PHF24: variants seen among roughly 807,000 people sequenced by gnomAD.
PHF24 encodes the protein Galpha inhibitory interacting protein.
PHF24 carries 25 observed loss-of-function variants against 42.6 expected under a neutral mutation model. The ratio of observed to expected loss-of-function variants is 0.59; its 90% CI spans 0.43 to 0.82. The LOEUF (loss-of-function observed/expected upper bound fraction) is 0.82, where lower values mean the gene tolerates loss of function less well. PHF24 is among the 40% of genes least tolerant of loss of function. PHF24 has a pLI of 0.00. For missense variants in PHF24, 470 were observed against 538.1 expected (o/e 0.87, Z 1.25); for synonymous variants, 185 against 204.8 (o/e 0.90, Z 0.83).
At chr9:34,823,524 G>A in the PHF24 span, among the ~76,000 whole-genome samples, 7 of 152,216 alleles carry the variant, frequency 4.6e-5, no homozygotes, top group South Asian at 2.1e-4. Context: ...TAGACTCTAA[G>A]CCCCTACCTG....
chr9:34,716,952 C>T, the PHF24 span, among the ~76,000 whole-genome samples: 1 of 152,126 alleles, frequency 6.6e-6, no homozygotes, highest in Non-Finnish European at 1.5e-5. Context: ...ACTTACGCTT[C>T]TGCATAACGT....
At chr9:34,677,633 C>G in the PHF24 span, among the ~76,000 whole-genome samples, 1 of 152,096 alleles carries the variant, frequency 6.6e-6, no homozygotes, top group South Asian at 2.1e-4. Context: ...CTCCTGACCT[C>G]GTGATCCACC....
the PHF24 span, among the ~76,000 whole-genome samples, chr9:34,868,865 T>C: frequency 1.3e-5 from 2 of 152,248 alleles, no homozygotes; most frequent in Admixed American, 1.3e-4. Context: ...ACCTAGTCAT[T>C]AAGCCCAGCA....
chr9:34,958,227 C>CGCT (rs1190859096), upstream of PHF24: 1 of 67,458 alleles, frequency 1.5e-5, no homozygotes, highest in Non-Finnish European at 3.0e-5. The surrounding 1 kb of genome is among the most constrained non-coding windows in gnomAD (Gnocchi z 4.5). Flanking sequence ...CGGCCGCGCG[C>CGCT]GCCGCCGCCG....
At chr9:34,827,746 G>A in the PHF24 span, among the ~76,000 whole-genome samples, 2 of 152,086 alleles carry the variant, frequency 1.3e-5, no homozygotes, top group African/African-American at 4.8e-5. Flanking sequence ...GTCCAAAATC[G>A]ATGTCCCTCC....
chr9:34,917,673 G>T, the PHF24 span: 3 of 781,534 alleles, frequency 3.8e-6, no homozygotes, highest in Non-Finnish European at 4.8e-6. Flanking sequence ...TGCAGTGTGG[G>T]AGCAGACAGA....
chr9:34,743,985 T>C, the PHF24 span, among the ~76,000 whole-genome samples: 1 of 152,144 alleles, frequency 6.6e-6, no homozygotes. Context: ...CAACTTACTC[T>C]CATGGTAACT....
the PHF24 span, among the ~76,000 whole-genome samples, chr9:34,848,433 G>A: frequency 6.6e-6 from 1 of 151,796 alleles, no homozygotes; most frequent in African/African-American, 2.4e-5. Flanking sequence ...ATTTCTGTGG[G>A]ATTGGTGGTG....
At chr9:34,873,526 A>G in the PHF24 span, among the ~76,000 whole-genome samples, 2 of 151,690 alleles carry the variant, frequency 1.3e-5, no homozygotes, top group Non-Finnish European at 1.5e-5. Context: ...GATATGCGGC[A>G]TTATTTCTGA....
chr9:34,803,437 G>A, the PHF24 span, among the ~76,000 whole-genome samples: 75 of 151,456 alleles, frequency 5.0e-4, no homozygotes, highest in Non-Finnish European at 4.6e-4. Flanking sequence ...CATCCTGGAC[G>A]CAGCACATTC....
chr9:34,753,701 A>T, the PHF24 span, among the ~76,000 whole-genome samples: 1 of 152,182 alleles, frequency 6.6e-6, no homozygotes, highest in African/African-American at 2.4e-5. Context: ...TGAGCAAAAG[A>T]ACAAAACTAG....
At chr9:34,833,106 C>A in the PHF24 span, 1 of 1,551,530 alleles carries the variant, frequency 6.4e-7, no homozygotes, top group Non-Finnish European at 8.7e-7. Context: ...CGCCCAAACC[C>A]CGCATCCCCT....
the PHF24 span, chr9:34,918,252 C>A: frequency 6.7e-7 from 1 of 1,485,490 alleles, no homozygotes. Context: ...CCGCACGTGT[C>A]TTCTCAATGA....
At chr9:34,908,920 T>C in the PHF24 span, among the ~76,000 whole-genome samples, 1 of 150,904 alleles carries the variant, frequency 6.6e-6, no homozygotes, top group Non-Finnish European at 1.5e-5. Flanking sequence ...CGATCTTGGC[T>C]CACTCCAACC....
chr9:34,963,032 A>G (rs57602398), intron 1 of PHF24, among the ~76,000 whole-genome samples: 5,623 of 152,264 alleles, frequency 0.037, 241 homozygotes, highest in East Asian at 0.24. Context: ...CTGAATGAAG[A>G]GAGGTGGGGA....
chr9:34,763,196 C>G, the PHF24 span, among the ~76,000 whole-genome samples: 2 of 152,086 alleles, frequency 1.3e-5, no homozygotes, highest in Admixed American at 1.3e-4. Context: ...TTTTTGGTTC[C>G]ATATGAACTT....
the PHF24 span, among the ~76,000 whole-genome samples, chr9:34,827,897 C>T: frequency 6.6e-6 from 1 of 152,166 alleles, no homozygotes; most frequent in Non-Finnish European, 1.5e-5. Flanking sequence ...CATGCTGTTG[C>T]TCAGGTTCCA....
the PHF24 span, among the ~76,000 whole-genome samples, chr9:34,829,164 T>A: frequency 6.6e-6 from 1 of 152,078 alleles, no homozygotes; most frequent in Non-Finnish European, 1.5e-5. Flanking sequence ...ATGTGGACTG[T>A]TAGGAAAAAA....
At chr9:34,840,037 G>A in the PHF24 span, among the ~76,000 whole-genome samples, 4 of 152,192 alleles carry the variant, frequency 2.6e-5, no homozygotes, top group Admixed American at 6.5e-5. Flanking sequence ...AAAAAATGCA[G>A]TCTATCTTTA....
Sources: gnomAD v4.1 joint callset for allele counts (sites outside exome capture counted in the v4.1 genomes callset) on GRCh38, gnomAD v4.1.1 for gene constraint, Gnocchi (gnomAD v3.1) non-coding constraint, MANE v1.5 for transcripts, NCBI Gene and HGNC (gene_info 2026-07-23, HGNC 2026-07-21) for gene names.